FAM136A: variants seen among roughly 807,000 people sequenced by gnomAD.
FAM136A encodes TIM double twin CX3C motif protein.
In FAM136A, 25 loss-of-function variants were observed where a neutral mutation model predicts 21.6. The observed-to-expected ratio is 1.16, with a 90% CI of 0.84 to 1.62. The LOEUF is 1.62. Ranked by LOEUF, FAM136A falls within the 40% of genes most tolerant of loss-of-function variation. FAM136A has a pLI of 0.00. For synonymous variants in FAM136A, 119 were observed against 129.4 expected (o/e 0.92, Z 0.55); for missense variants, 338 against 332.0 (o/e 1.02, Z -0.14).
intron 2 of FAM136A, among the ~76,000 whole-genome samples, chr2:70,297,832 G>A (rs529108053): frequency 7.9e-5 from 12 of 151,710 alleles, no homozygotes; most frequent in African/African-American, 2.7e-4. Flanking sequence ...GTAGAGATGG[G>A]ATCTCCCTAT....
intron 2 of FAM136A, among the ~76,000 whole-genome samples, chr2:70,299,585 CTTTATTTT>C (rs1697338116): frequency 6.6e-6 from 1 of 152,116 alleles, no homozygotes; most frequent in Non-Finnish European, 1.5e-5. Flanking sequence ...TTTTAGGAAA[CTTTATTTT>C]TTTATTTTTA....
intron 1 of FAM136A, 153 bp downstream of exon 1, chr2:70,301,451 G>A (rs1339737154): frequency 2.0e-6 from 3 of 1,535,412 alleles, no homozygotes; most frequent in Admixed American, 3.9e-5. Context: ...GCATTGCGGG[G>A]CTCAGAGAAG....
intron 1 of FAM136A, chr2:70,301,257 AG>A: frequency 2.0e-6 from 2 of 1,009,362 alleles, no homozygotes; most frequent in East Asian, 5.4e-5. Context: ...CGAGTGGGTG[AG>A]GGTAGGGTGG....
chr2:70,298,138 G>C (rs945862042), intron 2 of FAM136A, among the ~76,000 whole-genome samples: 4 of 151,312 alleles, frequency 2.6e-5, no homozygotes, highest in African/African-American at 9.7e-5. Context: ...TGTTGCCTAA[G>C]CTGGAGTGCA....
chr2:70,302,053 A>AT lies in FAM136A; in HGVS notation c.-43dup. The AT allele has an allele frequency of 6.5e-7, 1 of 1,537,454 alleles. No homozygotes were observed. The highest frequency in any genetic ancestry group is 8.7e-7 in the Non-Finnish European group (1 of 1,146,700). On this transcript the variant is annotated 5_prime_UTR_variant, in exon 1 of 3. It adds an upstream start codon to the 5' untranslated region. Coordinates refer to ENST00000430566, the MANE Select transcript of FAM136A (RefSeq NM_001329752.2). Reference sequence around the variant, plus strand: ...CCCGCGGCGCTCCGCGCCGGCGCCCATATGGAATCGGCGTACGGGCCCGCC... The same window carrying AT: ...CCCGCGGCGCTCCGCGCCGGCGCCCATTATGGAATCGGCGTACGGGCCCGCC...
intron 1 of FAM136A, 193 bp downstream of exon 1, chr2:70,301,410 CG>C: frequency 6.5e-7 from 1 of 1,532,458 alleles, no homozygotes; most frequent in African/African-American, 1.4e-5. Context: ...ACGCATACTC[CG>C]TGAGAGAAGC....
chr2:70,301,986 A>T lies in FAM136A; in HGVS notation c.26T>A (p.Val9Glu), dbSNP rs1256591890. ...CACCATGGACTCCACCGCCTCCTGC[A>T]CCCGGAGCTGCTGCAGCTCAGCCAT... Reference protein sequence around the residue: MAELQQLRVQEAVESMVKS... With the variant: MAELQQLREQEAVESMVKS... The change falls in exon 1 of 3, where the codon GTG becomes GAG. Residue 9 changes from valine to glutamate, a missense_variant. Val to Glu is a moderately radical substitution (Grantham distance 121). Transcript: ENST00000430566. 1.2e-6 allele frequency: 2 copies of T among 1,605,184 alleles called. No homozygotes were observed. Among genetic ancestry groups the T allele is most frequent in the Non-Finnish European group, 1.7e-6 (2 of 1,177,218 alleles).
At chr2:70,297,519 G>T (rs376581714) in intron 2 of FAM136A, 42 bp from the exon 3 acceptor site, 4 of 1,601,058 alleles carry the variant, frequency 2.5e-6, no homozygotes, top group East Asian at 4.5e-5. Context: ...TGAGAGTAAG[G>T]CCTCCATTTA....
In FAM136A at chr2:70,297,446, T is replaced by A. The variant is rs761769037; in HGVS notation, c.581A>T (p.Asn194Ile). The change falls in exon 3 of 3, where the codon AAC becomes ATC. Residue 194 changes from asparagine to isoleucine, a missense_variant. Transcript: ENST00000430566. ...ATCTATTGAATCTTTGGCTTTGTCG[T>A]TGCAATGCATGGTGCACCGGGCCAG... ...DRLARCTMHC[N>I]DKAKDSIDAG... 6.2e-7 allele frequency: 1 copy of A among 1,613,954 alleles called. No homozygotes were observed. Among genetic ancestry groups the A allele is most frequent in the Admixed American group, 1.7e-5 (1 of 60,012 alleles).
chr2:70,300,813 C>G (rs202018967), intron 2 of FAM136A, 27 bp downstream of exon 2: 6 of 1,582,086 alleles, frequency 3.8e-6, no homozygotes, highest in Non-Finnish European at 5.2e-6. Flanking sequence ...TCAAGGACTA[C>G]AGTGCTCTGT....
chr2:70,301,595 G>A lies in FAM136A; in HGVS notation c.408+9C>T. 6.5e-7 allele frequency: 1 copy of A among 1,535,940 alleles called. No individual in the cohort carries two copies. Among genetic ancestry groups the A allele is most frequent in the Non-Finnish European group, 8.7e-7 (1 of 1,146,734 alleles). ...TGGCAGCGCCTCTGCTGGGCCTCGG[G>A]CCGCTCACCTGCGGAAGGGGCCGCG... On this transcript the variant is annotated intron_variant, in intron 1 of 2. Coordinates refer to ENST00000430566, the MANE Select transcript of FAM136A (RefSeq NM_001329752.2).
rs1559055117 is a variant in FAM136A, at chr2:70,301,813, AC to A, written c.198del (p.Cys67ValfsTer88). ...PCTAAASPQT[G>X]CGRPWGRRGG... ...CCCCGGCGACCCCAGGGCCGCCCAC[AC>A]CCGGTCTGCGGGGACGCGGCTGCAG... On this transcript the variant is annotated frameshift_variant, in exon 1 of 3. Transcript: ENST00000430566. LOFTEE classifies it high-confidence loss of function. 2.6e-6 allele frequency: 4 copies of A among 1,548,636 alleles called. No homozygotes were observed. Among genetic ancestry groups the A allele is most frequent in the Middle Eastern group, 3.4e-4 (2 of 5,944 alleles).
chr2:70,301,577 G>A (rs1697399861), intron 1 of FAM136A, 27 bp downstream of exon 1: 2 of 1,535,942 alleles, frequency 1.3e-6, no homozygotes, highest in Non-Finnish European at 1.7e-6. Flanking sequence ...CGTTGGCAGC[G>A]CCTCTGCTGG....
chr2:70,301,564 T>C (rs2104942514), intron 1 of FAM136A, 40 bp downstream of exon 1: 1 of 1,536,016 alleles, frequency 6.5e-7, no homozygotes, highest in East Asian at 2.4e-5. Context: ...TTCTGGTCTT[T>C]CACGTTGGCA....
At position 70,297,310 on chromosome 2, in the gene FAM136A, A is replaced by C; in HGVS notation, c.717T>G (p.Ala239=). 2.5e-6 allele frequency: 4 copies of C among 1,613,732 alleles called. No homozygotes were observed. The highest frequency in any genetic ancestry group is 3.4e-6 in the Non-Finnish European group (4 of 1,179,662). The change falls in exon 3 of 3, where the codon GCT becomes GCG. Residue 239 remains alanine (A), a synonymous_variant. Coordinates refer to ENST00000430566, the MANE Select transcript of FAM136A (RefSeq NM_001329752.2). The part of the protein sequence containing the change: ...IPTMTKKMKE[A]LLSIGK ...ACTTTTATTTTCCAATTGATAAGAGAGCCTCCTTCATCTTCTTGGTCATAG... is the reference window on the plus strand; with the variant it reads ...ACTTTTATTTTCCAATTGATAAGAGCGCCTCCTTCATCTTCTTGGTCATAG...
chr2:70,297,293 T>C lies in FAM136A; in HGVS notation c.734A>G (p.Lys245Arg). The C allele has an allele frequency of 6.2e-7, 1 of 1,612,724 alleles. No homozygotes were observed. Among genetic ancestry groups the C allele is most frequent in the Non-Finnish European group, 8.5e-7 (1 of 1,178,824 alleles). ...KMKEALLSIG[K>R] is the part of the protein sequence containing the mutation. ...GATGGCCACTGGCAAATACTTTTAT[T>C]TTCCAATTGATAAGAGAGCCTCCTT... is the stretch of plus-strand genomic sequence containing the variant. The change falls in exon 3 of 3, where the codon AAA becomes AGA. Residue 245 changes from lysine to arginine, a missense_variant. Coordinates refer to ENST00000430566, the MANE Select transcript of FAM136A (RefSeq NM_001329752.2).
At chr2:70,300,748 A>C (rs1432163762) in intron 2 of FAM136A, 92 bp downstream of exon 2, 2 of 1,418,228 alleles carry the variant, frequency 1.4e-6, no homozygotes, top group Non-Finnish European at 1.9e-6. Context: ...CAGAACCAAG[A>C]CACTAAAGCC....
chr2:70,297,555 C>A, intron 2 of FAM136A, 78 bp from the exon 3 acceptor site: 2 of 1,389,254 alleles, frequency 1.4e-6, no homozygotes, highest in East Asian at 2.5e-5. Context: ...GTGTTAGGCC[C>A]TGTGCTACAG....
chr2:70,301,152 A>G lies in FAM136A; in HGVS notation c.409-172T>C, dbSNP rs1253357670. The G allele has an allele frequency of 3.7e-6, 3 of 817,766 alleles. No homozygotes were observed. The African/African-American group carries it at 5.2e-5, about 14-fold the overall frequency. The allele number at this position is 817,766 out of a possible 1,614,324, so 50.7% of individuals were successfully genotyped here. ...GACCTTAAAACCACCACTGGGGAAA[A>G]TTATCCTCAATGTCTAGTGTAGTGT... On this transcript the variant is annotated intron_variant, in intron 1 of 2. Coordinates refer to ENST00000430566, the MANE Select transcript of FAM136A (RefSeq NM_001329752.2).
Sources: allele counts gnomAD v4.1 joint callset (sites outside exome capture counted in the v4.1 genomes callset), GRCh38; gene constraint gnomAD v4.1.1; transcripts MANE v1.5; gene names NCBI Gene and HGNC (gene_info 2026-07-23, HGNC 2026-07-21).